COL21A1: variants seen among roughly 807,000 people sequenced by gnomAD.
COL21A1 encodes the protein collagen type XXI alpha 1 chain.
In COL21A1, 149 loss-of-function variants were observed where a neutral mutation model predicts 137.9. The observed-to-expected ratio is 1.08, with a 90% CI of 0.95 to 1.24. COL21A1 has a LOEUF of 1.24. Among genes scored for constraint, COL21A1 ranks in the 50% most tolerant of loss-of-function variants. The pLI, the probability that COL21A1 is intolerant of heterozygous loss-of-function variation, is 0.00. For synonymous variants in COL21A1, 456 were observed against 391.5 expected (o/e 1.16, Z -1.95); for missense variants, 1,167 against 1,158.4 (o/e 1.01, Z -0.11).
chr6:56,078,867 G>A (rs532629027), intron 17 of COL21A1, among the ~76,000 whole-genome samples: 5 of 150,952 alleles, frequency 3.3e-5, no homozygotes, highest in African/African-American at 7.3e-5. Context: ...CTTTATAAAC[G>A]TAAGTAGAGA....
At chr6:56,118,896 C>G (rs183491738) in intron 16 of COL21A1, among the ~76,000 whole-genome samples, 134 of 151,988 alleles carry the variant, frequency 8.8e-4, no homozygotes, top group African/African-American at 3.2e-3. Flanking sequence ...GATAAAAACC[C>G]TCAAAAAAGT....
chr6:56,361,705 C>A (rs1024575891), intron 1 of COL21A1, among the ~76,000 whole-genome samples: 5 of 151,644 alleles, frequency 3.3e-5, no homozygotes, highest in Non-Finnish European at 7.4e-5. Context: ...AAAAAAAAAT[C>A]AAAAAGTCAA....
At chr6:56,326,410 T>C (rs1765091282) in intron 1 of COL21A1, among the ~76,000 whole-genome samples, 1 of 151,824 alleles carries the variant, frequency 6.6e-6, no homozygotes, top group African/African-American at 2.4e-5. Context: ...AGCAAAAGGA[T>C]AATAATGATT....
Position 56,280,009 on chromosome 6 carries a change from A to T in COL21A1, c.-38-97353T>A, listed in dbSNP as rs114045344. Among the ~76,000 whole-genome samples the T allele has an allele frequency of 8.9e-3, 1,349 of 152,306 alleles. 7 individuals are homozygous for T. The highest frequency in any genetic ancestry group is 0.015 in the Non-Finnish European group (1,007 of 68,030). ...TCCTCACTGTGGTAAATACACACAT[A>T]CAGACACACACAGAACACAAAAAGC... is the stretch of plus-strand genomic sequence containing the variant. On this transcript the variant is annotated intron_variant, in intron 1 of 28. Coordinates refer to the COL21A1 transcript ENST00000370819.
At chr6:56,202,348 A>T (rs538028989) in intron 1 of COL21A1, among the ~76,000 whole-genome samples, 4 of 152,202 alleles carry the variant, frequency 2.6e-5, no homozygotes, top group African/African-American at 9.6e-5. Flanking sequence ...GCCATTTTTG[A>T]AGCTAAAAAC....
intron 1 of COL21A1, among the ~76,000 whole-genome samples, chr6:56,191,653 C>T (rs1214966597): frequency 1.4e-5 from 2 of 144,452 alleles, no homozygotes; most frequent in Non-Finnish European, 3.0e-5. Context: ...ACTATTGCTA[C>T]AAAGAGAATA....
At chr6:56,248,715 T>TA (rs1357330552), upstream of COL21A1, among the ~76,000 whole-genome samples, 3 of 152,248 alleles carry the variant, frequency 2.0e-5, no homozygotes, top group African/African-American at 7.2e-5. Context: ...CTTCAATAAC[T>TA]AAATCTCACT....
chr6:56,339,492 CAA>C (rs1765418618), intron 1 of COL21A1, among the ~76,000 whole-genome samples: 1 of 152,094 alleles, frequency 6.6e-6, no homozygotes, highest in Non-Finnish European at 1.5e-5. Context: ...GTCTTAAAAA[CAA>C]AAGAGTTTTG....
chr6:56,083,822 A>G (rs4599643), intron 17 of COL21A1, among the ~76,000 whole-genome samples: 107,040 of 151,800 alleles, frequency 0.71, 37,997 homozygotes, highest in East Asian at 0.87. Flanking sequence ...AAATATAGCC[A>G]TGTGTCAGAA....
At chr6:56,154,424 G>T (rs1775581734) in intron 10 of COL21A1, among the ~76,000 whole-genome samples, 2 of 152,128 alleles carry the variant, frequency 1.3e-5, no homozygotes, top group South Asian at 4.1e-4. Flanking sequence ...TACAGTAAAT[G>T]GCACCACAAT....
intron 1 of COL21A1, among the ~76,000 whole-genome samples, chr6:56,230,050 G>T (rs1429914633): frequency 6.6e-6 from 1 of 151,960 alleles, no homozygotes; most frequent in South Asian, 2.1e-4. Flanking sequence ...TGTACAAAAG[G>T]TAAATATTAT....
intron 1 of COL21A1, among the ~76,000 whole-genome samples, chr6:56,318,488 C>T (rs1764792895): frequency 6.6e-6 from 1 of 152,128 alleles, no homozygotes; most frequent in Non-Finnish European, 1.5e-5. Context: ...TAACTCTCAG[C>T]TGATGGCCAC....
intron 1 of COL21A1, among the ~76,000 whole-genome samples, chr6:56,214,325 C>A (rs1484594321): frequency 6.6e-6 from 1 of 152,088 alleles, no homozygotes; most frequent in East Asian, 1.9e-4. Flanking sequence ...TCCATCCTAT[C>A]ATGAATGGAA....
intron 1 of COL21A1, among the ~76,000 whole-genome samples, chr6:56,383,779 T>C (rs1204828983): frequency 6.6e-6 from 1 of 152,152 alleles, no homozygotes; most frequent in Admixed American, 6.5e-5. Flanking sequence ...TACTCTTGCC[T>C]CCTTCAGTGA....
intron 1 of COL21A1, among the ~76,000 whole-genome samples, chr6:56,206,693 AATAAATAT>A (rs1248582816): frequency 7.0e-4 from 89 of 127,902 alleles, no homozygotes; most frequent in Admixed American, 3.0e-3. Flanking sequence ...TAAATAAATA[AATAAATAT>A]ATATATATAT....
At chr6:56,307,408 A>G (rs1413301397) in intron 1 of COL21A1, among the ~76,000 whole-genome samples, 2 of 152,184 alleles carry the variant, frequency 1.3e-5, no homozygotes, top group East Asian at 3.9e-4. Flanking sequence ...TTACCTACTC[A>G]AGCCTCAGCA....
intron 1 of COL21A1, among the ~76,000 whole-genome samples, chr6:56,343,047 C>A (rs917932126): frequency 3.3e-5 from 5 of 152,094 alleles, no homozygotes; most frequent in Non-Finnish European, 7.4e-5. Flanking sequence ...GAATCCTTGC[C>A]TTTATCAAGT....
chr6:56,306,989 T>TC (rs1278724882), intron 1 of COL21A1, among the ~76,000 whole-genome samples: 1 of 152,194 alleles, frequency 6.6e-6, no homozygotes, highest in Non-Finnish European at 1.5e-5. Flanking sequence ...GGAGGTCCAC[T>TC]CCACACCCTG....
intron 1 of COL21A1, among the ~76,000 whole-genome samples, chr6:56,290,163 T>A (rs1211744007): frequency 6.6e-6 from 1 of 152,122 alleles, no homozygotes; most frequent in Non-Finnish European, 1.5e-5. Flanking sequence ...ACAGAATGAA[T>A]AAATAAATGA....
Sources: allele counts gnomAD v4.1 joint callset (sites outside exome capture counted in the v4.1 genomes callset), GRCh38; gene constraint gnomAD v4.1.1; transcripts MANE v1.5; gene names NCBI Gene and HGNC (gene_info 2026-07-23, HGNC 2026-07-21).